The following SIRT3 variants were observed in gnomAD, a reference collection of about 807,000 sequenced individuals.
SIRT3 encodes sirtuin 3.
A neutral mutation model predicts 33.5 loss-of-function variants in SIRT3; 26 were observed. The observed-to-expected ratio is 0.78, with a 90% CI of 0.57 to 1.08. The LOEUF (loss-of-function observed/expected upper bound fraction) is 1.08. Ranked by LOEUF, SIRT3 falls within the 50% of genes least tolerant of loss-of-function variation. The probability of loss-of-function intolerance (pLI) is 0.00; values close to 1 mark genes in which losing one functional copy is unlikely to be tolerated. For synonymous variants in SIRT3, 237 were observed against 222.1 expected (o/e 1.07, Z -0.60); for missense variants, 585 against 530.1 (o/e 1.10, Z -1.02).
chr11:230,146 G>A (rs1404042914), intron 4 of SIRT3, among the ~76,000 whole-genome samples: 1 of 150,934 alleles, frequency 6.6e-6, no homozygotes, highest in Admixed American at 6.6e-5. Flanking sequence ...CCGGGAGACG[G>A]AGGTTGCAGT....
At chr11:220,621 G>A in intron 5 of SIRT3, among the ~76,000 whole-genome samples, 1 of 152,212 alleles carries the variant, frequency 6.6e-6, no homozygotes, top group East Asian at 1.9e-4. Context: ...TTTTGGTGAG[G>A]ATGTGATAAA....
chr11:220,620 G>A (rs1271204550), intron 5 of SIRT3, among the ~76,000 whole-genome samples: 1 of 152,182 alleles, frequency 6.6e-6, no homozygotes, highest in Non-Finnish European at 1.5e-5. Context: ...GTTTTGGTGA[G>A]GATGTGATAA....
Position 218,943 on chromosome 11 carries a change from G to T in SIRT3, c.1068C>A (p.Arg356=), listed in dbSNP as rs199962887. Residue 356 remains arginine, a synonymous_variant, in exon 6 of 7, where the codon CGC becomes CGA. Coordinates refer to ENST00000382743, the MANE Select transcript of SIRT3 (RefSeq NM_012239.6). The stretch of plus-strand genomic sequence containing the variant: ...CCCCCAGCTGGGCCACGTCCCTGCT[G>T]CGAGGATGCCAAGCCAAGGGCCCCA... ...DLVGPLAWHP[R]SRDVAQLGDV... 1 of 1,614,188 alleles carries T rather than the reference G, an allele frequency of 6.2e-7. No individual in the cohort carries two copies. Among genetic ancestry groups the T allele is most frequent in the South Asian group, 1.1e-5 (1 of 91,082 alleles).
chr11:228,017 C>T (rs937111818), intron 4 of SIRT3, among the ~76,000 whole-genome samples: 31 of 152,298 alleles, frequency 2.0e-4, no homozygotes, highest in African/African-American at 6.5e-4. Flanking sequence ...CAGTTCAAAC[C>T]CTAACAGAGC....
chr11:236,559 ATC>A (rs1243522323), upstream of SIRT3: 1 of 160,094 alleles, frequency 6.2e-6, no homozygotes, highest in East Asian at 1.9e-4. Flanking sequence ...CTGGTGTCTC[ATC>A]TCTCGCCCCG....
chr11:229,008 A>G (rs1309354035), intron 4 of SIRT3, among the ~76,000 whole-genome samples: 2 of 152,262 alleles, frequency 1.3e-5, no homozygotes, highest in African/African-American at 4.8e-5. Context: ...AATCAGTGCT[A>G]CAGTGGGTTA....
chr11:221,000 G>A (rs1856372887), intron 5 of SIRT3, among the ~76,000 whole-genome samples: 1 of 119,326 alleles, frequency 8.4e-6, no homozygotes, highest in Non-Finnish European at 1.7e-5. Context: ...CAAGTTCTCA[G>A]TATTTATCAG....
upstream of SIRT3, chr11:236,395 TC>T: frequency 1.2e-5 from 2 of 162,100 alleles, no homozygotes; most frequent in African/African-American, 3.3e-4. Context: ...CGCCTCCGCC[TC>T]CCACCCCCGC....
At chr11:218,194 C>T (rs1258942302) in intron 6 of SIRT3, among the ~76,000 whole-genome samples, 2 of 152,192 alleles carry the variant, frequency 1.3e-5, no homozygotes, top group Non-Finnish European at 2.9e-5. Context: ...GTTACACCTG[C>T]CTGTAATCAT....
rs1855669523 is a variant in SIRT3 at position 216,557 on chromosome 11, C to A, written c.*141G>T. On this transcript the variant is annotated 3_prime_UTR_variant, in exon 7 of 7. Coordinates refer to ENST00000382743, the MANE Select transcript of SIRT3 (RefSeq NM_012239.6). ...GCAGCTCATGGCCTGAGAAGACATT[C>A]CAGTGGCAGCCTCGGGTGTCCACTC... 2.2e-6 allele frequency: 2 copies of A among 892,540 alleles called. No homozygotes were observed. Among genetic ancestry groups the A allele is most frequent in the Non-Finnish European group, 3.7e-6 (2 of 547,280 alleles). The allele number at this position is 892,540 out of a possible 1,614,324, so 55.3% of individuals were successfully genotyped here.
chr11:228,263 G>T (rs547164069), intron 4 of SIRT3, among the ~76,000 whole-genome samples: 1 of 152,306 alleles, frequency 6.6e-6, no homozygotes, highest in South Asian at 2.1e-4. Context: ...TGGCACTGAG[G>T]AGACTAAACT....
At chr11:220,461 G>C (rs2133813073) in intron 5 of SIRT3, among the ~76,000 whole-genome samples, 1 of 151,832 alleles carries the variant, frequency 6.6e-6, no homozygotes, top group South Asian at 2.1e-4. Flanking sequence ...ATGGTCAAGA[G>C]GTACAAATAT....
chr11:223,443 G>A lies in SIRT3; in HGVS notation c.969+635C>T. ...GGCGACCACAGCTCCACCTTCTCCA[G>A]GACCAGCCTCCTGGCACTGCTTGCT... On this transcript the variant is annotated intron_variant, in intron 5 of 6. Transcript: ENST00000382743. This position sits in a 1 kb window ranked among gnomAD's most constrained non-coding sequence, Gnocchi z 4.8. 3.8e-6 allele frequency: 1 copy of A among 263,842 alleles called. No individual in the cohort carries two copies. The highest frequency in any genetic ancestry group is 7.6e-6 in the Non-Finnish European group (1 of 131,526). The allele number at this position is 263,842 out of a possible 1,614,324, so 16.3% of individuals were successfully genotyped here.
chr11:218,796 G>A, intron 6 of SIRT3, 36 bp downstream of exon 6: 6 of 1,613,964 alleles, frequency 3.7e-6, no homozygotes, highest in Non-Finnish European at 5.1e-6. Context: ...AGTGAGAAGG[G>A]CAGCCCCTTG....
Position 218,893 on chromosome 11 carries a change from A to G in SIRT3, c.1118T>C (p.Leu373Pro), listed in dbSNP as rs1437028903. 2 of 1,614,038 alleles carry G rather than the reference A, an allele frequency of 1.2e-6. No homozygotes were observed. Among genetic ancestry groups the G allele is most frequent in the East Asian group, 4.5e-5 (2 of 44,860 alleles). Reference protein sequence around the residue: ...LGDVVHGVESLVELLGWTEEM... With the variant: ...LGDVVHGVESPVELLGWTEEM... Reference sequence around the variant, plus strand: ...TTCTGTCCAGCCCAGAAGCTCCACTAGGCTTTCCACGCCGTGAACCACGTC... The same window carrying G: ...TTCTGTCCAGCCCAGAAGCTCCACTGGGCTTTCCACGCCGTGAACCACGTC... Residue 373 changes from leucine (L) to proline (P), a missense_variant, in exon 6 of 7, where the codon CTA becomes CCA. Coordinates refer to ENST00000382743, the MANE Select transcript of SIRT3 (RefSeq NM_012239.6).
At chr11:219,797 G>T (rs1277429932) in intron 5 of SIRT3, among the ~76,000 whole-genome samples, 2 of 152,044 alleles carry the variant, frequency 1.3e-5, no homozygotes, top group Admixed American at 1.3e-4. Flanking sequence ...AACGTTCTAG[G>T]CGTAAAAACT....
chr11:236,348 G>C, upstream of SIRT3: 3 of 1,295,618 alleles, frequency 2.3e-6, no homozygotes, highest in Non-Finnish European at 2.9e-6. Context: ...AGTCCAAGGA[G>C]TCCTCCGGAC....
chr11:235,098 G>C (rs1245760527), intron 1 of SIRT3, among the ~76,000 whole-genome samples: 1 of 150,976 alleles, frequency 6.6e-6, no homozygotes, highest in Non-Finnish European at 1.5e-5. Context: ...AGCTGGTCTC[G>C]AACTCCTGAC....
upstream of SIRT3, chr11:236,488 C>G (rs1859181578): frequency 3.3e-6 from 1 of 304,250 alleles, no homozygotes; most frequent in African/African-American, 2.3e-5. Flanking sequence ...CCCCCGCCTC[C>G]TTGCCGACGC....
Sources: allele counts gnomAD v4.1 joint callset (sites outside exome capture counted in the v4.1 genomes callset), GRCh38; gene constraint gnomAD v4.1.1; non-coding constraint Gnocchi (gnomAD v3.1); transcripts MANE v1.5; gene names NCBI Gene and HGNC (gene_info 2026-07-23, HGNC 2026-07-21).